DCC: variants seen among roughly 807,000 people sequenced by gnomAD.
DCC encodes the protein DCC netrin 1 receptor.
A neutral mutation model predicts 172.5 loss-of-function variants in DCC; 58 were observed. That is an observed-to-expected ratio of 0.34 (90% confidence interval 0.27 to 0.42). The LOEUF (loss-of-function observed/expected upper bound fraction) is 0.42. Among genes scored for constraint, DCC ranks in the 10% least tolerant of loss-of-function variants. DCC has a pLI of 1.00. For missense variants in DCC, 1,740 were observed against 1,791.0 expected, an observed-to-expected ratio of 0.97 and a Z score of 0.51; for synonymous variants, 709 against 644.5, an observed-to-expected ratio of 1.10 and a Z score of -1.52.
intron 8 of DCC, among the ~76,000 whole-genome samples, chr18:53,166,725 C>G (rs1335734141): frequency 1.3e-5 from 2 of 152,110 alleles, no homozygotes; most frequent in East Asian, 1.9e-4. Flanking sequence ...CAATAAAAAA[C>G]AATTTTTAAC....
intron 20 of DCC, among the ~76,000 whole-genome samples, chr18:53,415,471 T>A (rs1599124255): frequency 6.6e-6 from 1 of 152,170 alleles, no homozygotes; most frequent in African/African-American, 2.4e-5. Flanking sequence ...TACCTCTTAT[T>A]TAGTTTCATC....
At chr18:53,206,697 G>A (rs544185778) in intron 10 of DCC, among the ~76,000 whole-genome samples, 4 of 147,610 alleles carry the variant, frequency 2.7e-5, no homozygotes, top group African/African-American at 7.4e-5. Flanking sequence ...GACTGTTGAG[G>A]TATTTACTTC....
intron 1 of DCC, among the ~76,000 whole-genome samples, chr18:52,461,254 A>G (rs1988620627): frequency 6.6e-6 from 1 of 152,096 alleles, no homozygotes; most frequent in Admixed American, 6.6e-5. Flanking sequence ...TCACCTTCAC[A>G]TGTCTTCCCA....
intron 1 of DCC, among the ~76,000 whole-genome samples, chr18:52,642,063 T>TACAC (rs2034912924): frequency 3.2e-4 from 1 of 3,116 alleles, no homozygotes; most frequent in African/African-American, 4.4e-4. Context: ...TGTGTGTGTG[T>TACAC]ATATATATAT....
chr18:52,540,251 T>C (rs1329952042), intron 1 of DCC, among the ~76,000 whole-genome samples: 1 of 152,060 alleles, frequency 6.6e-6, no homozygotes, highest in African/African-American at 2.4e-5. Context: ...TCCTGGGCAA[T>C]ATAGCAAGGC....
chr18:53,407,580 A>G (rs1238204274), intron 19 of DCC, among the ~76,000 whole-genome samples: 5 of 139,172 alleles, frequency 3.6e-5, no homozygotes, highest in African/African-American at 1.0e-4. Context: ...CTCTCTATAT[A>G]TATGTTCAGT....
chr18:53,250,593 A>C (rs1373405844), intron 12 of DCC, among the ~76,000 whole-genome samples: 1 of 150,696 alleles, frequency 6.6e-6, no homozygotes, highest in Non-Finnish European at 1.5e-5. Context: ...TGGAAGATAC[A>C]TCCTTCCTAG....
chr18:52,890,984 C>T (rs763969584), intron 2 of DCC, among the ~76,000 whole-genome samples: 22 of 152,036 alleles, frequency 1.4e-4, no homozygotes, highest in Admixed American at 3.9e-4. Context: ...TTTAGACAAC[C>T]TTTGGGAACC....
At chr18:52,734,608 T>G (rs1289539786) in intron 1 of DCC, among the ~76,000 whole-genome samples, 1 of 152,012 alleles carries the variant, frequency 6.6e-6, no homozygotes. Flanking sequence ...TCCCCATAAG[T>G]AAGGTTTGAG....
At position 53,291,022 on chromosome 18, in the gene DCC, G is replaced by T. The variant is rs369865287; in HGVS notation, c.1912-14556G>T. On this transcript the variant is annotated intron_variant, in intron 12 of 28. Coordinates refer to ENST00000442544, the MANE Select transcript of DCC (RefSeq NM_005215.4). ...GTCTCTACTAAAAATACAAAAATTA[G>T]CCAGGTGTGGTGGCAGGCTCCTGTA... 2.2e-4 allele frequency among the ~76,000 whole-genome samples: 34 copies of T among 152,102 alleles called. No individual in the cohort carries two copies. The East Asian group carries it at 5.8e-3, about 26-fold the overall frequency.
At chr18:52,814,731 C>T (rs568414421) in intron 2 of DCC, among the ~76,000 whole-genome samples, 1 of 152,178 alleles carries the variant, frequency 6.6e-6, no homozygotes, top group South Asian at 2.1e-4. Flanking sequence ...ATCAAAAAGC[C>T]TTTCTTAAAC....
chr18:53,249,730 A>G (rs973105805), intron 12 of DCC, among the ~76,000 whole-genome samples: 4 of 151,922 alleles, frequency 2.6e-5, no homozygotes, highest in African/African-American at 4.8e-5. Flanking sequence ...ACAATATTAT[A>G]TTGTTAGATT....
At chr18:52,355,909 C>T (rs533831578) in intron 1 of DCC, among the ~76,000 whole-genome samples, 24 of 152,018 alleles carry the variant, frequency 1.6e-4, no homozygotes, top group Non-Finnish European at 2.9e-4. Context: ...CCACATAGGA[C>T]CTGACCCTAT....
At chr18:52,403,628 C>T (rs1986523953) in intron 1 of DCC, among the ~76,000 whole-genome samples, 1 of 151,966 alleles carries the variant, frequency 6.6e-6, no homozygotes, top group South Asian at 2.1e-4. Context: ...AAAACTAATG[C>T]AGAGGAAATG....
chr18:52,365,523 G>GGT (rs900581493), intron 1 of DCC, among the ~76,000 whole-genome samples: 27 of 103,480 alleles, frequency 2.6e-4, no homozygotes, highest in African/African-American at 1.2e-3. Context: ...CCAATTGCTT[G>GGT]GGTGGGGTTT....
intron 1 of DCC, among the ~76,000 whole-genome samples, chr18:52,726,653 G>A (rs2036556064): frequency 6.6e-6 from 1 of 152,102 alleles, no homozygotes; most frequent in Admixed American, 6.6e-5. Flanking sequence ...AACTCCAAAT[G>A]TAATACTTTG....
intron 5 of DCC, among the ~76,000 whole-genome samples, chr18:52,938,335 T>A (rs937688690): frequency 6.6e-6 from 1 of 152,032 alleles, no homozygotes; most frequent in African/African-American, 2.4e-5. Flanking sequence ...ACTGTGGAAG[T>A]GGGAGTAGAG....
At chr18:53,277,868 G>A (rs1365982961) in intron 12 of DCC, among the ~76,000 whole-genome samples, 1 of 152,116 alleles carries the variant, frequency 6.6e-6, no homozygotes, top group Non-Finnish European at 1.5e-5. Flanking sequence ...GCAATTTGCT[G>A]CTGCCGAAAC....
intron 1 of DCC, among the ~76,000 whole-genome samples, chr18:52,402,478 GA>G (rs933559102): frequency 2.0e-5 from 3 of 151,850 alleles, no homozygotes; most frequent in African/African-American, 7.3e-5. Context: ...AGTGCCCCAG[GA>G]AAGTACCCAT....
Sources: allele counts gnomAD v4.1 joint callset (sites outside exome capture counted in the v4.1 genomes callset), GRCh38; gene constraint gnomAD v4.1.1; transcripts MANE v1.5; gene names NCBI Gene and HGNC (gene_info 2026-07-23, HGNC 2026-07-21).